Variants in PYGB observed in about 807,000 individuals in gnomAD.
The protein encoded by PYGB is glycogen phosphorylase, brain form.
Under a neutral mutation model 94.3 loss-of-function variants are expected in PYGB, and 82 were observed. The observed-to-expected ratio is 0.87, with a 90% CI of 0.73 to 1.04. The LOEUF (loss-of-function observed/expected upper bound fraction) is 1.04. PYGB is among the 50% of genes least tolerant of loss of function. PYGB has a pLI of 0.00. For synonymous variants in PYGB, 488 were observed against 479.1 expected (o/e 1.02, Z -0.24); for missense variants, 1,132 against 1,158.2 (o/e 0.98, Z 0.33).
chr20:25,248,975 G>A (rs567008482), intron 1 of PYGB, among the ~76,000 whole-genome samples: 1 of 152,368 alleles, frequency 6.6e-6, no homozygotes, highest in East Asian at 1.9e-4. Context: ...CTCAGAGATG[G>A]AGATGGAGCC....
At chr20:25,262,073 G>C (rs1264647416) in intron 2 of PYGB, among the ~76,000 whole-genome samples, 1 of 152,150 alleles carries the variant, frequency 6.6e-6, no homozygotes, top group Non-Finnish European at 1.5e-5. Flanking sequence ...TTATCCAGGA[G>C]AACTTCCCCA....
At chr20:25,290,004 C>G in intron 15 of PYGB, 1 of 525,390 alleles carries the variant, frequency 1.9e-6, no homozygotes, top group Non-Finnish European at 3.9e-6. Context: ...TGAGTGAGGG[C>G]CCAGTGAGTC....
intron 15 of PYGB, among the ~76,000 whole-genome samples, chr20:25,289,658 A>G (rs945560837): frequency 6.6e-6 from 1 of 152,136 alleles, no homozygotes; most frequent in African/African-American, 2.4e-5. Context: ...AAAAAAAGAA[A>G]AAAAAAAGAA....
intron 2 of PYGB, among the ~76,000 whole-genome samples, chr20:25,268,913 G>A (rs1003137124): frequency 3.9e-5 from 6 of 152,112 alleles, no homozygotes; most frequent in Middle Eastern, 6.3e-3. Context: ...ACTGTTAATA[G>A]GTTAACTACC....
At chr20:25,287,749 G>A (rs2088430218) in intron 14 of PYGB, among the ~76,000 whole-genome samples, 1 of 152,042 alleles carries the variant, frequency 6.6e-6, no homozygotes, top group Non-Finnish European at 1.5e-5. Flanking sequence ...GGAGGCTGAG[G>A]CGGAAGGGTT....
chr20:25,275,950 G>A (rs2088307321), intron 5 of PYGB, among the ~76,000 whole-genome samples: 1 of 152,346 alleles, frequency 6.6e-6, no homozygotes, highest in South Asian at 2.1e-4. Flanking sequence ...CGTGTGTGCC[G>A]GGATGAACCC....
At position 25,280,994 on chromosome 20, in the gene PYGB, A is replaced by G. The variant is rs150635236; in HGVS notation, c.1285A>G (p.Met429Val). ...CGGCGATGTGGACCGCCTGCGCAGG[A>G]TGTCTGTGATCGAGGAGGGGGACTG... ...FPGDVDRLRR[M>V]SVIEEGDCKR... Residue 429 changes from methionine to valine, a missense_variant, in exon 11 of 20, where the codon ATG becomes GTG. Transcript: ENST00000216962. 1.9e-6 allele frequency: 3 copies of G among 1,613,964 alleles called. No homozygotes were observed. The African/African-American group carries it at 4.0e-5, about 22-fold the overall frequency.
intron 19 of PYGB, among the ~76,000 whole-genome samples, chr20:25,295,969 C>G (rs749800972): frequency 6.6e-6 from 1 of 152,156 alleles, no homozygotes; most frequent in Non-Finnish European, 1.5e-5. Flanking sequence ...GGGCTGGCCT[C>G]GAGGAAAGGC....
At chr20:25,295,401 G>A (rs2088525660) in intron 18 of PYGB, among the ~76,000 whole-genome samples, 1 of 152,270 alleles carries the variant, frequency 6.6e-6, no homozygotes, top group Admixed American at 6.5e-5. Context: ...ATTGTCCCAG[G>A]ACATAAGTGT....
rs148747294 is a variant in PYGB at position 25,266,985 on chromosome 20, G to A, written c.346-2144G>A. 4.9e-3 allele frequency among the ~76,000 whole-genome samples: 739 copies of A among 152,228 alleles called. 3 individuals are homozygous for A. Among genetic ancestry groups the A allele is most frequent in the African/African-American group, 0.017 (700 of 41,540 alleles). Reference sequence around the variant, plus strand: ...ATGTAGCCTAGCAATTCCATTCCACGGTACAGGTCTCAGAGAAATGAAAAC... The same window carrying A: ...ATGTAGCCTAGCAATTCCATTCCACAGTACAGGTCTCAGAGAAATGAAAAC... On this transcript the variant is annotated intron_variant, in intron 2 of 19. Transcript: ENST00000216962.
intron 16 of PYGB, among the ~76,000 whole-genome samples, chr20:25,291,182 G>A (rs546558429): frequency 1.3e-5 from 2 of 152,182 alleles, no homozygotes; most frequent in Non-Finnish European, 2.9e-5. Flanking sequence ...GTGATCTCAG[G>A]TGGCAGCACC....
In PYGB at chr20:25,290,489, C is replaced by A. The variant is rs200500319; in HGVS notation, c.1836C>A (p.Pro612=). ...TCACCCTCTCCTTCCAGGCAGCGCC[C>A]GGTTACCACATGGCCAAGCTGATCA... The part of the protein sequence containing the change: ...RTVMIGGKAA[P]GYHMAKLIIK... The change falls in exon 16 of 20, where the codon CCC becomes CCA. Residue 612 remains proline (P), a synonymous_variant. Coordinates refer to ENST00000216962, the MANE Select transcript of PYGB (RefSeq NM_002862.4). 3.1e-6 allele frequency: 5 copies of A among 1,604,592 alleles called. No individual in the cohort carries two copies. The highest frequency in any genetic ancestry group is 4.3e-6 in the Non-Finnish European group (5 of 1,171,782).
At position 25,279,137 on chromosome 20, in the gene PYGB, G is replaced by A. The variant is rs1600733624; in HGVS notation, c.1080G>A (p.Val360=). ...GGATCCTGGTGGACGTGGAGAAGGT[G>A]GACTGGGACAAGGTGAGCATGGAGG... is the stretch of plus-strand genomic sequence containing the variant. ...LMRILVDVEK[V]DWDKAWEITK... Residue 360 remains valine (V), a synonymous_variant, in exon 9 of 20, where the codon GTG becomes GTA. Coordinates refer to ENST00000216962, the MANE Select transcript of PYGB (RefSeq NM_002862.4). The A allele has an allele frequency of 6.8e-6, 11 of 1,613,936 alleles. No homozygotes were observed. The highest frequency in any genetic ancestry group is 6.6e-5 in the South Asian group (6 of 91,014).
intron 4 of PYGB, 94 bp downstream of exon 4, chr20:25,271,580 C>A: frequency 7.3e-7 from 1 of 1,375,400 alleles, no homozygotes; most frequent in Non-Finnish European, 1.0e-6. Flanking sequence ...CTTCCCACGC[C>A]CCCGCCAGGG....
Position 25,290,529 on chromosome 20 carries a change from T to G in PYGB, c.1876T>G (p.Ser626Ala), listed in dbSNP as rs1227802383. Residue 626 changes from serine to alanine, a missense_variant, in exon 16 of 20, where the codon TCC becomes GCC. Physicochemically the swap from Ser to Ala is moderately conservative, Grantham distance 99. Coordinates refer to ENST00000216962, the MANE Select transcript of PYGB (RefSeq NM_002862.4). ...MAKLIIKLVT[S>A]IGDVVNHDPV... ...CAAGCTGATCATCAAGTTGGTCACC[T>G]CCATCGGCGACGTCGTCAATCATGA... The G allele has an allele frequency of 1.9e-6, 3 of 1,611,620 alleles. No homozygotes were observed. The highest frequency in any genetic ancestry group is 2.5e-6 in the Non-Finnish European group (3 of 1,177,816).
rs1262097032 is a variant in PYGB, at chr20:25,282,139, A to G, written c.1510A>G (p.Ile504Val). The G allele has an allele frequency of 6.2e-7, 1 of 1,611,620 alleles. No homozygotes were observed. ...GTGCAACCCGGGGCTGGCCGATACC[A>G]TCGTGGAGGTGAGTCCCGGGCCCCA... ...LLCNPGLADT[I>V]VEKIGEEFLT... Residue 504 changes from isoleucine to valine, a missense_variant, in exon 12 of 20, where the codon ATC (isoleucine) becomes GTC (valine). Ile to Val is a conservative substitution (Grantham distance 29, BLOSUM62 3). Coordinates refer to ENST00000216962, the MANE Select transcript of PYGB (RefSeq NM_002862.4).
chr20:25,280,263 T>C lies in PYGB; in HGVS notation c.1093-3T>C, dbSNP rs1248613290. On this transcript the variant is annotated splice_polypyrimidine_tract_variant and splice_region_variant and intron_variant, in intron 9 of 19. Coordinates refer to ENST00000216962, the MANE Select transcript of PYGB (RefSeq NM_002862.4). ...CACATGGGAACATTCTCTAATGGCCTAGGCCTGGGAAATCACGAAGAAGAC... is the reference window on the plus strand; with the variant it reads ...CACATGGGAACATTCTCTAATGGCCCAGGCCTGGGAAATCACGAAGAAGAC... 6.2e-7 allele frequency: 1 copy of C among 1,613,998 alleles called. No individual in the cohort carries two copies. The highest frequency in any genetic ancestry group is 1.7e-5 in the Admixed American group (1 of 60,008).
chr20:25,288,580 TCGGGAAC>T, intron 15 of PYGB, 97 bp downstream of exon 15: 5 of 1,417,914 alleles, frequency 3.5e-6, no homozygotes, highest in Non-Finnish European at 4.9e-6. Context: ...ACATCCATAC[TCGGGAAC>T]CGGATGCCCA....
chr20:25,267,320 CG>C (rs1280444691), intron 2 of PYGB, among the ~76,000 whole-genome samples: 1 of 152,052 alleles, frequency 6.6e-6, no homozygotes, highest in African/African-American at 2.4e-5. Flanking sequence ...CTGATGGGCA[CG>C]GGGCTGCTTT....
Sources: allele counts gnomAD v4.1 joint callset (sites outside exome capture counted in the v4.1 genomes callset), GRCh38; gene constraint gnomAD v4.1.1; transcripts MANE v1.5; gene names NCBI Gene and HGNC (gene_info 2026-07-23, HGNC 2026-07-21).